AP2B1: variants seen among roughly 807,000 people sequenced by gnomAD.
AP2B1 encodes AP-2 complex subunit beta.
A neutral mutation model predicts 102.0 loss-of-function variants in AP2B1; 23 were observed. That is an observed-to-expected ratio of 0.23 (90% CI 0.16 to 0.32). AP2B1 has a LOEUF of 0.32. AP2B1 is among the 10% of genes least tolerant of loss of function. The pLI is 1.00. For synonymous variants in AP2B1, 381 were observed against 421.2 expected, an observed-to-expected ratio of 0.90 and a Z score of 1.17; for missense variants, 541 against 1,157.4, an observed-to-expected ratio of 0.47 and a Z score of 7.73.
At chr17:35,691,253 G>T (rs2076035516) in intron 18 of AP2B1, among the ~76,000 whole-genome samples, 1 of 152,122 alleles carries the variant, frequency 6.6e-6, no homozygotes, top group Admixed American at 6.5e-5. Context: ...AATTTTGCTG[G>T]TATATGGCTC....
chr17:35,635,121 G>A (rs775539724), intron 9 of AP2B1, among the ~76,000 whole-genome samples: 2 of 152,260 alleles, frequency 1.3e-5, no homozygotes, highest in African/African-American at 4.8e-5. Flanking sequence ...GCACGATCTC[G>A]GCTCACTGCA....
chr17:35,698,128 T>G (rs944501121), intron 18 of AP2B1, among the ~76,000 whole-genome samples: 2 of 152,198 alleles, frequency 1.3e-5, no homozygotes, highest in Non-Finnish European at 2.9e-5. Flanking sequence ...CAGGTTTTTC[T>G]TTACTTGCTA....
rs1171063179 is a variant in AP2B1, at chr17:35,649,458, C to T, written c.1537-1072C>T. ...TAATTTTTTGTATTTGTAGTAGATA[C>T]GGGGTTTCACTGTGTTAGCCAGGAT... On this transcript the variant is annotated intron_variant, in intron 12 of 21. Coordinates refer to ENST00000610402, the MANE Select transcript of AP2B1 (RefSeq NM_001030006.2). 5.9e-5 allele frequency among the ~76,000 whole-genome samples: 9 copies of T among 151,982 alleles called. No homozygotes were observed. In the East Asian group the frequency reaches 7.7e-4, roughly 13 times the overall value.
At chr17:35,658,590 A>G (rs1212362785) in intron 14 of AP2B1, among the ~76,000 whole-genome samples, 1 of 152,214 alleles carries the variant, frequency 6.6e-6, no homozygotes, top group African/African-American at 2.4e-5. Context: ...TAGGTACTTA[A>G]CTGTGGTGGA....
chr17:35,684,353 A>T (rs990999660), intron 18 of AP2B1, among the ~76,000 whole-genome samples: 2 of 152,252 alleles, frequency 1.3e-5, no homozygotes, highest in Non-Finnish European at 2.9e-5. Flanking sequence ...TCCTCTTTCC[A>T]GTCAAGACAG....
At chr17:35,673,156 C>A (rs929484384) in intron 16 of AP2B1, among the ~76,000 whole-genome samples, 1 of 152,190 alleles carries the variant, frequency 6.6e-6, no homozygotes. Flanking sequence ...TCACCACCCA[C>A]AGATCCTTTG....
intron 1 of AP2B1, among the ~76,000 whole-genome samples, chr17:35,591,381 C>T (rs967751165): frequency 1.3e-5 from 2 of 152,040 alleles, no homozygotes; most frequent in Admixed American, 6.6e-5. Flanking sequence ...CCACGTTCCC[C>T]AGACTGGTCT....
intron 12 of AP2B1, among the ~76,000 whole-genome samples, chr17:35,645,391 G>A (rs2074900889): frequency 6.6e-6 from 1 of 152,136 alleles, no homozygotes; most frequent in Non-Finnish European, 1.5e-5. Context: ...TGAAGTATAT[G>A]TGAAATCTTA....
In AP2B1 at chr17:35,636,421, T is replaced by C. The variant is rs147370808; in HGVS notation, c.1236T>C (p.Val412=). 623 of 1,614,064 alleles carry C rather than the reference T, an allele frequency of 3.9e-4. No homozygotes were observed. The African/African-American group carries it at 5.6e-3, about 15-fold the overall frequency. Residue 412 remains valine, a synonymous_variant, in exon 10 of 22, where the codon GTT becomes GTC. Transcript: ENST00000610402. ...ATTATGTGGTCCAAGAAGCAATTGT[T>C]GTCATCAGGGACATCTTCCGCAAAT... ...KVNYVVQEAI[V]VIRDIFRKYP...
At chr17:35,700,977 A>G (rs918457598) in intron 18 of AP2B1, among the ~76,000 whole-genome samples, 2 of 152,218 alleles carry the variant, frequency 1.3e-5, no homozygotes, top group African/African-American at 2.4e-5. Flanking sequence ...TACCAAAGAA[A>G]CAGAGGGTTA....
At chr17:35,623,176 T>A (rs957550571) in intron 5 of AP2B1, among the ~76,000 whole-genome samples, 1 of 152,160 alleles carries the variant, frequency 6.6e-6, no homozygotes, top group Admixed American at 6.5e-5. Context: ...TAAAATTAAT[T>A]TGTAATTTTG....
intron 3 of AP2B1, among the ~76,000 whole-genome samples, chr17:35,603,975 G>A (rs2073574947): frequency 6.6e-6 from 1 of 152,138 alleles, no homozygotes; most frequent in African/African-American, 2.4e-5. Context: ...TCCATCATAC[G>A]TGAAGGATAT....
chr17:35,612,878 G>GCACA (rs777131172), intron 5 of AP2B1, among the ~76,000 whole-genome samples: 894 of 79,786 alleles, frequency 0.011, 3 homozygotes, highest in Admixed American at 0.032. Flanking sequence ...ATGTGTATGT[G>GCACA]CGCACACACA....
intron 12 of AP2B1, among the ~76,000 whole-genome samples, chr17:35,646,222 G>C (rs1567891050): frequency 6.6e-6 from 1 of 152,184 alleles, no homozygotes; most frequent in Non-Finnish European, 1.5e-5. Context: ...AATTATCTGA[G>C]TCACCAAACA....
chr17:35,670,779 A>G, intron 14 of AP2B1, 78 bp from the exon 15 acceptor site: 3 of 1,448,260 alleles, frequency 2.1e-6, no homozygotes, highest in Non-Finnish European at 2.9e-6. Context: ...AGAGCAATTT[A>G]CAGATTCTAT....
chr17:35,612,143 A>T (rs1477927784), intron 5 of AP2B1, among the ~76,000 whole-genome samples: 1 of 152,198 alleles, frequency 6.6e-6, no homozygotes, highest in Non-Finnish European at 1.5e-5. Flanking sequence ...TGAATAGAAG[A>T]TCTTTGCTGT....
chr17:35,622,928 G>GTGTT (rs1472004087), intron 5 of AP2B1, among the ~76,000 whole-genome samples: 1 of 152,114 alleles, frequency 6.6e-6, no homozygotes, highest in Non-Finnish European at 1.5e-5. Flanking sequence ...GCCTCCCAAA[G>GTGTT]TGTTGGGTTT....
intron 13 of AP2B1, among the ~76,000 whole-genome samples, chr17:35,656,816 C>T (rs1252058421): frequency 9.6e-5 from 14 of 145,556 alleles, no homozygotes; most frequent in African/African-American, 2.5e-4. Flanking sequence ...ACCTGGGAGG[C>T]GGAGCTTGCA....
At chr17:35,591,097 C>T (rs900364808) in intron 1 of AP2B1, among the ~76,000 whole-genome samples, 1 of 149,294 alleles carries the variant, frequency 6.7e-6, no homozygotes, top group African/African-American at 2.5e-5. Context: ...TCACTTGAAC[C>T]TGGGAGGCAA....
Sources: allele counts gnomAD v4.1 joint callset (sites outside exome capture counted in the v4.1 genomes callset), GRCh38; gene constraint gnomAD v4.1.1; transcripts MANE v1.5; gene names NCBI Gene and HGNC (gene_info 2026-07-23, HGNC 2026-07-21).